ACSM5: variants seen among roughly 807,000 people sequenced by gnomAD.
The protein encoded by ACSM5 is acyl-coenzyme A synthetase ACSM5, mitochondrial.
In ACSM5, 56 loss-of-function variants were observed where a neutral mutation model predicts 71.6. The ratio of observed to expected loss-of-function variants is 0.78; its 90% CI spans 0.63 to 0.98. The LOEUF (loss-of-function observed/expected upper bound fraction) is 0.98. Among genes scored for constraint, ACSM5 ranks in the 50% least tolerant of loss-of-function variants. The pLI, the probability that ACSM5 is intolerant of heterozygous loss-of-function variation, is 0.00. For missense variants in ACSM5, 723 were observed against 726.0 expected (o/e 1.00, Z 0.05); for synonymous variants, 285 against 281.5 (o/e 1.01, Z -0.12).
rs566871357 is a variant in ACSM5, at chr16:20,419,081, G to A, written c.416-147G>A. 2.3e-3 allele frequency: 1,636 copies of A among 700,860 alleles called. 37 individuals are homozygous for A. The South Asian group carries it at 0.028, about 12-fold the overall frequency. The allele number at this position is 700,860 out of a possible 1,614,324, so 43.4% of individuals were successfully genotyped here. On this transcript the variant is annotated intron_variant, in intron 3 of 13. Coordinates refer to ENST00000331849, the MANE Select transcript of ACSM5 (RefSeq NM_017888.3). Reference sequence around the variant, plus strand: ...ATCATGCACTTATTCAGACGGCTAGGGTTTTTAGGCTGTTATTATTATTAT... The same window carrying A: ...ATCATGCACTTATTCAGACGGCTAGAGTTTTTAGGCTGTTATTATTATTAT...
At chr16:20,437,469 C>G in intron 12 of ACSM5, 102 bp downstream of exon 12, 1 of 970,718 alleles carries the variant, frequency 1.0e-6, no homozygotes, top group Non-Finnish European at 1.6e-6. Context: ...CACCTCCATC[C>G]TTGTGCCACA....
At chr16:20,413,502 T>G (rs1966851240) in intron 2 of ACSM5, among the ~76,000 whole-genome samples, 1 of 152,232 alleles carries the variant, frequency 6.6e-6, no homozygotes, top group African/African-American at 2.4e-5. Context: ...GGGGTTTTTG[T>G]CCAAAACAAT....
In ACSM5 at chr16:20,419,410, T is replaced by C; in HGVS notation, c.598T>C (p.Trp200Arg). The C allele has an allele frequency of 6.2e-7, 1 of 1,614,202 alleles. No individual in the cohort carries two copies. Among genetic ancestry groups the C allele is most frequent in the South Asian group, 1.1e-5 (1 of 91,076 alleles). ...LLVSDSSRPG[W>R]LNFRELLREA... is the part of the protein sequence containing the mutation. ...GGTGTCAGACAGCAGTCGGCCAGGC[T>C]GGTTGAACTTCAGGGAACTCCTCCG... Residue 200 changes from tryptophan (W) to arginine (R), a missense_variant, in exon 4 of 14, where the codon TGG becomes CGG. Physicochemically the swap from Trp to Arg is moderately radical, Grantham distance 101. Transcript: ENST00000331849.
intron 10 of ACSM5, among the ~76,000 whole-genome samples, chr16:20,432,645 GGTGTGGAGCAGGACTCTGGTACTTA>G (rs1293056576): frequency 6.6e-6 from 1 of 151,914 alleles, no homozygotes; most frequent in African/African-American, 2.4e-5. Context: ...CGTGCCGCTC[GGTGTGGAGCAGGACTCTGGTACTTA>G]GTGTGGAGCA....
intron 6 of ACSM5, among the ~76,000 whole-genome samples, 187 bp from the exon 7 acceptor site, chr16:20,427,601 G>A (rs976390438): frequency 2.0e-5 from 3 of 152,228 alleles, no homozygotes; most frequent in Admixed American, 6.5e-5. Context: ...GAGGTGAGAG[G>A]GGATCCTCCA....
At chr16:20,438,407 T>C (rs1258396546) in intron 12 of ACSM5, among the ~76,000 whole-genome samples, 2 of 151,846 alleles carry the variant, frequency 1.3e-5, no homozygotes, top group Admixed American at 6.6e-5. Flanking sequence ...TACCAAATCA[T>C]GATTACTGGG....
chr16:20,423,875 AGTCATT>A, intron 5 of ACSM5, 35 bp from the exon 6 acceptor site: 30 of 1,610,922 alleles, frequency 1.9e-5, no homozygotes, highest in Non-Finnish European at 2.3e-5. Flanking sequence ...TTAAAGGTAG[AGTCATT>A]GCCAAGGTTA....
Position 20,440,359 on chromosome 16 carries a change from G to C in ACSM5, c.1672G>C (p.Glu558Gln). The C allele has an allele frequency of 1.3e-6, 2 of 1,593,318 alleles. No homozygotes were observed. Among genetic ancestry groups the C allele is most frequent in the Non-Finnish European group, 1.7e-6 (2 of 1,160,998 alleles). The change falls in exon 14 of 14, where the codon GAA (glutamate) becomes CAA (glutamine). Residue 558 changes from glutamate to glutamine, a missense_variant. Coordinates refer to ENST00000331849, the MANE Select transcript of ACSM5 (RefSeq NM_017888.3). Reference sequence around the variant, plus strand: ...TGGTCACTAGGTGGCCTTTGTTTCAGAACTGCCAAAGACGGTTTCTGGAAA... The same window carrying C: ...TGGTCACTAGGTGGCCTTTGTTTCACAACTGCCAAAGACGGTTTCTGGAAA... ...KYPRKVAFVS[E>Q]LPKTVSGKIQ...
rs1159624655 is a variant in ACSM5, at chr16:20,440,381, G to A, written c.1694G>A (p.Gly565Glu). Reference protein sequence around the residue: ...FVSELPKTVSGKIQRSKLRSQ... With the variant: ...FVSELPKTVSEKIQRSKLRSQ... ...TCAGAACTGCCAAAGACGGTTTCTG[G>A]AAAGATCCAAAGGAGTAAATTGCGA... Residue 565 changes from glycine (G) to glutamate (E), a missense_variant, in exon 14 of 14, where the codon GGA becomes GAA. By Grantham distance (98) the Gly-to-Glu change is moderately conservative. Coordinates refer to ENST00000331849, the MANE Select transcript of ACSM5 (RefSeq NM_017888.3). 6.2e-7 allele frequency: 1 copy of A among 1,609,738 alleles called. No homozygotes were observed. The highest frequency in any genetic ancestry group is 8.5e-7 in the Non-Finnish European group (1 of 1,176,258).
chr16:20,420,793 A>C (rs936242024), intron 4 of ACSM5, among the ~76,000 whole-genome samples: 13 of 152,206 alleles, frequency 8.5e-5, no homozygotes, highest in African/African-American at 3.1e-4. Flanking sequence ...GGGACTTCAC[A>C]GTGCAGCCAG....
Position 20,440,936 on chromosome 16 carries a change from A to G in ACSM5, c.*509A>G, listed in dbSNP as rs758171046. ...TGCAGAAAATGTGTGGTGCACTAAG[A>G]TGATCACACAGCATTAAAACTAAAA... On this transcript the variant is annotated 3_prime_UTR_variant, in exon 14 of 14. Coordinates refer to ENST00000331849, the MANE Select transcript of ACSM5 (RefSeq NM_017888.3). 1 of 151,958 alleles carries G rather than the reference A, an allele frequency of 6.6e-6. No individual in the cohort carries two copies. The highest frequency in any genetic ancestry group is 2.4e-5 in the African/African-American group (1 of 41,088). 9.4% of individuals were successfully genotyped at this position (151,958 alleles called of 1,614,324 possible).
At chr16:20,414,832 AAAAG>A (rs550384745) in intron 2 of ACSM5, among the ~76,000 whole-genome samples, 57 of 152,336 alleles carry the variant, frequency 3.7e-4, no homozygotes, top group African/African-American at 1.3e-3. Flanking sequence ...CGACACCTCA[AAAAG>A]AAAGGAGGAG....
intron 1 of ACSM5, among the ~76,000 whole-genome samples, chr16:20,409,886 G>C (rs1412256899): frequency 1.0e-5 from 1 of 98,304 alleles, no homozygotes. Context: ...GGCGGGAGAG[G>C]TGAGGGGCGG....
At chr16:20,421,819 T>A (rs1966887814) in intron 5 of ACSM5, among the ~76,000 whole-genome samples, 1 of 151,766 alleles carries the variant, frequency 6.6e-6, no homozygotes, top group African/African-American at 2.4e-5. Context: ...TTACTTTATC[T>A]TTCCAAATGA....
chr16:20,434,147 A>G (rs948232891), intron 10 of ACSM5, among the ~76,000 whole-genome samples: 1 of 152,108 alleles, frequency 6.6e-6, no homozygotes, highest in African/African-American at 2.4e-5. Context: ...AAGTTTTTAA[A>G]TGTTATGGAT....
chr16:20,424,306 G>A (rs1966934892), intron 6 of ACSM5, among the ~76,000 whole-genome samples: 1 of 152,044 alleles, frequency 6.6e-6, no homozygotes, highest in South Asian at 2.1e-4. Flanking sequence ...TTTGCATGGG[G>A]TGCCCTTGTT....
At chr16:20,415,122 C>T (rs1966854005) in intron 2 of ACSM5, among the ~76,000 whole-genome samples, 1 of 152,054 alleles carries the variant, frequency 6.6e-6, no homozygotes, top group African/African-American at 2.4e-5. Context: ...TTTCTTCTTG[C>T]TGGTTATATT....
intron 2 of ACSM5, chr16:20,412,133 G>A: frequency 5.8e-6 from 1 of 171,670 alleles, no homozygotes; most frequent in Non-Finnish European, 1.3e-5. Context: ...ATCACCTGAG[G>A]TCAGGAGTTC....
At position 20,429,811 on chromosome 16, in the gene ACSM5, G is replaced by A; in HGVS notation, c.1125+10G>A. On this transcript the variant is annotated intron_variant, in intron 8 of 13. Transcript: ENST00000331849. ...TGGCCAGTCTGAAACGGTGAGTGCT[G>A]GAGGGGCCAGGTCCCTACCCCCCAG... The A allele has an allele frequency of 6.2e-7, 1 of 1,611,738 alleles. No individual in the cohort carries two copies. The highest frequency in any genetic ancestry group is 8.5e-7 in the Non-Finnish European group (1 of 1,179,462).
Sources: gnomAD v4.1 joint callset for allele counts (sites outside exome capture counted in the v4.1 genomes callset) on GRCh38, gnomAD v4.1.1 for gene constraint, MANE v1.5 for transcripts, NCBI Gene and HGNC (gene_info 2026-07-23, HGNC 2026-07-21) for gene names.